The following AGBL3 variants were observed in gnomAD, a reference collection of about 807,000 sequenced individuals.
AGBL3 encodes the protein cytosolic carboxypeptidase 3.
AGBL3 carries 68 observed loss-of-function variants against 94.5 expected under a neutral mutation model. That is an observed-to-expected ratio of 0.72 (90% CI 0.59 to 0.88). The LOEUF (loss-of-function observed/expected upper bound fraction) is 0.88. Ranked by LOEUF, AGBL3 falls within the 40% of genes least tolerant of loss-of-function variation. The pLI is 0.00. For synonymous variants in AGBL3, 354 were observed against 370.7 expected (o/e 0.95, Z 0.52); for missense variants, 934 against 1,103.8 (o/e 0.85, Z 2.18).
chr7:135,099,592 G>T (rs1396465143), intron 15 of AGBL3, among the ~76,000 whole-genome samples: 1 of 152,076 alleles, frequency 6.6e-6, no homozygotes, highest in Non-Finnish European at 1.5e-5. Context: ...AACTGTACTT[G>T]ATTTCTTCTA....
Position 135,034,395 on chromosome 7 carries a change from C to G in AGBL3, c.804C>G (p.Asn268Lys). 1.9e-6 allele frequency: 3 copies of G among 1,551,646 alleles called. No homozygotes were observed. Among genetic ancestry groups the G allele is most frequent in the Non-Finnish European group, 2.6e-6 (3 of 1,146,976 alleles). The change falls in exon 7 of 17, where the codon AAC (asparagine) becomes AAG (lysine). Residue 268 changes from asparagine (N) to lysine (K), a missense_variant. Asn to Lys is a moderately conservative substitution (Grantham distance 94). Around this residue, in one of 3 missense-constraint regions of AGBL3, gnomAD observed 488 missense variants for 563.6 expected, o/e 0.87. Transcript: ENST00000436302. ...GAGACCAAATCAAGTATTATAGGAA[C>G]AACCCAGGCCAAGATGGGCGCCATT... ...RIGDQIKYYR[N>K]NPGQDGRHYF...
chr7:135,014,339 T>C (rs1365247843), intron 4 of AGBL3, among the ~76,000 whole-genome samples: 1 of 151,698 alleles, frequency 6.6e-6, no homozygotes, highest in African/African-American at 2.4e-5. Context: ...AAATAATTAC[T>C]TATAAAAAGC....
rs539243441 is a variant in AGBL3, at chr7:135,067,107, A to G, written c.1908+7872A>G. Among the ~76,000 whole-genome samples the G allele has an allele frequency of 1.2e-4, 18 of 152,306 alleles. 1 individual carries two copies. The South Asian group carries it at 3.1e-3, about 26-fold the overall frequency. On this transcript the variant is annotated intron_variant, in intron 12 of 16. Coordinates refer to ENST00000436302, the MANE Select transcript of AGBL3 (RefSeq NM_178563.4). The stretch of plus-strand genomic sequence containing the variant: ...AGATTATATCCTGCGCCTGGCTCAG[A>G]GGGTCCTACACCCATGGAGCCTCGC...
At chr7:135,039,412 AG>A (rs1816625327) in intron 8 of AGBL3, among the ~76,000 whole-genome samples, 1 of 152,162 alleles carries the variant, frequency 6.6e-6, no homozygotes. Flanking sequence ...AGCACTTAGA[AG>A]AAAATGTATA....
chr7:135,042,168 G>A (rs1487853453), intron 8 of AGBL3, among the ~76,000 whole-genome samples: 3 of 152,058 alleles, frequency 2.0e-5, no homozygotes, highest in Non-Finnish European at 4.4e-5. Flanking sequence ...TCATTCCTAG[G>A]TATTTACCCT....
chr7:135,080,300 A>G, intron 14 of AGBL3, 40 bp downstream of exon 14: 1 of 1,512,228 alleles, frequency 6.6e-7, no homozygotes, highest in Non-Finnish European at 9.0e-7. Flanking sequence ...CAATTAATTC[A>G]TTTACTCAAC....
rs1291130919 is a variant in AGBL3 at position 135,034,625 on chromosome 7, C to G, written c.1034C>G (p.Pro345Arg). Reference protein sequence around the residue: ...NMVYILTITTPLKNSDSRKRK... With the variant: ...NMVYILTITTRLKNSDSRKRK... ...GTGTATATTTTAACAATCACTACCCCCTTGAAGAACTCTGACTCAAGAAAG... is the reference window on the plus strand; with the variant it reads ...GTGTATATTTTAACAATCACTACCCGCTTGAAGAACTCTGACTCAAGAAAG... Residue 345 changes from proline (P) to arginine (R), a missense_variant, in exon 7 of 17, where the codon CCC becomes CGC. Coordinates refer to ENST00000436302, the MANE Select transcript of AGBL3 (RefSeq NM_178563.4). The G allele has an allele frequency of 3.9e-6, 6 of 1,551,652 alleles. No homozygotes were observed. The East Asian group carries it at 1.2e-4, about 32-fold the overall frequency.
Position 135,033,874 on chromosome 7 carries a change from T to G in AGBL3, c.558-275T>G, listed in dbSNP as rs909949087. On this transcript the variant is annotated intron_variant, in intron 6 of 16. Transcript: ENST00000436302. Reference sequence around the variant, plus strand: ...TAGAAAACATAATTAGGTTGAAATATATAAACTTTTATCAAATACCTGTGT... The same window carrying G: ...TAGAAAACATAATTAGGTTGAAATAGATAAACTTTTATCAAATACCTGTGT... 1.6e-4 allele frequency among the ~76,000 whole-genome samples: 24 copies of G among 152,188 alleles called. 1 individual carries two copies. Among genetic ancestry groups the G allele is most frequent in the South Asian group, 2.1e-4 (1 of 4,838 alleles).
intron 13 of AGBL3, among the ~76,000 whole-genome samples, chr7:135,079,753 C>A (rs566450539): frequency 7.9e-5 from 12 of 151,990 alleles, no homozygotes; most frequent in Admixed American, 4.6e-4. Context: ...CAGATGTGTA[C>A]CGTGCCCAGC....
chr7:135,113,174 C>A (rs1473165929), intron 15 of AGBL3, among the ~76,000 whole-genome samples: 3 of 152,226 alleles, frequency 2.0e-5, no homozygotes, highest in Non-Finnish European at 2.9e-5. Flanking sequence ...ATATTGTAAT[C>A]ATACATTATC....
intron 3 of AGBL3, among the ~76,000 whole-genome samples, chr7:134,991,718 T>C (rs1165180407): frequency 2.0e-5 from 3 of 152,090 alleles, no homozygotes; most frequent in Non-Finnish European, 4.4e-5. Context: ...GTTAGGGTGG[T>C]GTGACTAAAT....
At chr7:135,033,802 T>C (rs1816021839) in intron 6 of AGBL3, among the ~76,000 whole-genome samples, 2 of 152,174 alleles carry the variant, frequency 1.3e-5, no homozygotes, top group African/African-American at 2.4e-5. Flanking sequence ...AAAAAAGAAA[T>C]GTTGGACTTT....
intron 13 of AGBL3, 132 bp downstream of exon 13, chr7:135,076,600 C>T (rs1043711268): frequency 6.1e-6 from 4 of 654,300 alleles, no homozygotes; most frequent in Admixed American, 6.0e-5. Context: ...ATATTATCTA[C>T]TGTTTATAAA....
chr7:135,076,379 G>T lies in AGBL3; in HGVS notation c.1909-18G>T. On this transcript the variant is annotated intron_variant, in intron 12 of 16. Coordinates refer to ENST00000436302, the MANE Select transcript of AGBL3 (RefSeq NM_178563.4). The stretch of plus-strand genomic sequence containing the variant: ...TATGTTGATTAAATATTGATTTTAA[G>T]TATGATTCTTTTACTAGAAAAAACA... 6.7e-7 allele frequency: 1 copy of T among 1,483,084 alleles called. No individual in the cohort carries two copies. The highest frequency in any genetic ancestry group is 2.5e-5 in the East Asian group (1 of 40,456). The allele number at this position is 1,483,084 out of a possible 1,614,324, so 91.9% of individuals were successfully genotyped here.
At chr7:134,994,729 G>A (rs1293299842) in intron 4 of AGBL3, among the ~76,000 whole-genome samples, 4 of 152,178 alleles carry the variant, frequency 2.6e-5, no homozygotes, top group African/African-American at 9.7e-5. Context: ...GGGGAGAAAG[G>A]ACGGGTGGAG....
chr7:135,051,750 T>C (rs1218246259), intron 11 of AGBL3, among the ~76,000 whole-genome samples: 2 of 152,122 alleles, frequency 1.3e-5, no homozygotes, highest in African/African-American at 4.8e-5. Context: ...ACTGAAAAAA[T>C]CTTCATTCCT....
intron 15 of AGBL3, among the ~76,000 whole-genome samples, chr7:135,099,300 T>C (rs1227746669): frequency 1.3e-5 from 2 of 152,168 alleles, no homozygotes; most frequent in East Asian, 3.8e-4. Flanking sequence ...TAGGTATTTA[T>C]ATTGTTTGCT....
At chr7:135,010,722 C>CA (rs1379612522) in intron 4 of AGBL3, 1 of 152,060 alleles carries the variant, frequency 6.6e-6, no homozygotes, top group Admixed American at 6.5e-5. Context: ...TGTATGTTTT[C>CA]AACTGTTTCA....
intron 4 of AGBL3, among the ~76,000 whole-genome samples, chr7:135,016,353 C>T (rs565934296): frequency 2.2e-4 from 34 of 152,088 alleles, no homozygotes; most frequent in African/African-American, 8.2e-4. Context: ...GTCAAATACA[C>T]TTCTGTTGTT....
Sources: gnomAD v4.1 joint callset for allele counts (sites outside exome capture counted in the v4.1 genomes callset) on GRCh38, gnomAD v4.1.1 for gene constraint, gnomAD v4.1.1 regional missense constraint, MANE v1.5 for transcripts, NCBI Gene and HGNC (gene_info 2026-07-23, HGNC 2026-07-21) for gene names.